CCSER1: variants seen among roughly 807,000 people sequenced by gnomAD.
CCSER1 encodes serine-rich coiled-coil domain-containing protein 1.
CCSER1 carries 41 observed loss-of-function variants against 82.0 expected under a neutral mutation model. The observed-to-expected ratio is 0.50, with a 90% CI of 0.39 to 0.65. CCSER1 has a LOEUF of 0.65. Among genes scored for constraint, CCSER1 ranks in the 30% least tolerant of loss-of-function variants. CCSER1 has a pLI of 0.00. For synonymous variants in CCSER1, 414 were observed against 383.9 expected, an observed-to-expected ratio of 1.08 and a Z score of -0.92; for missense variants, 1,119 against 1,064.2, an observed-to-expected ratio of 1.05 and a Z score of -0.72.
rs562768585 is a variant in CCSER1 at position 90,215,955 on chromosome 4, T to C, written c.-42+88124T>C. ...AGAGTTTGTAGTGTGTGTGAATATG[T>C]GTGTGTGTTCTGTATGTACGTGGAT... On this transcript the variant is annotated intron_variant, in intron 1 of 10. Coordinates refer to ENST00000509176, the MANE Select transcript of CCSER1 (RefSeq NM_001145065.2). 4.9e-4 allele frequency among the ~76,000 whole-genome samples: 74 copies of C among 152,256 alleles called. No individual in the cohort carries two copies. The South Asian group carries it at 0.015, about 32-fold the overall frequency.
At chr4:91,198,172 T>C (rs1453867469) in intron 10 of CCSER1, among the ~76,000 whole-genome samples, 2 of 152,182 alleles carry the variant, frequency 1.3e-5, no homozygotes, top group African/African-American at 4.8e-5. Context: ...TTATTTCATT[T>C]TGCATTACTT....
chr4:90,946,552 A>G (rs1732265243), intron 9 of CCSER1, among the ~76,000 whole-genome samples: 1 of 151,460 alleles, frequency 6.6e-6, no homozygotes, highest in African/African-American at 2.4e-5. Context: ...ACTCTGTTGA[A>G]CCTGGGAGAC....
intron 10 of CCSER1, among the ~76,000 whole-genome samples, chr4:91,232,777 T>C (rs1478275658): frequency 1.3e-5 from 2 of 151,856 alleles, no homozygotes; most frequent in African/African-American, 4.8e-5. Flanking sequence ...TATTTGGATA[T>C]ATCTGAGCAC....
chr4:91,494,148 G>A (rs1046307098), intron 10 of CCSER1, among the ~76,000 whole-genome samples: 2 of 151,682 alleles, frequency 1.3e-5, no homozygotes, highest in Non-Finnish European at 2.9e-5. Context: ...AAATCTTCCG[G>A]CCTTTTGATC....
intron 8 of CCSER1, among the ~76,000 whole-genome samples, chr4:90,838,176 A>T (rs1245149615): frequency 6.6e-6 from 1 of 151,780 alleles, no homozygotes. Flanking sequence ...TAAGAAAATA[A>T]ATCCTATAAA....
intron 6 of CCSER1, among the ~76,000 whole-genome samples, chr4:90,705,838 G>A (rs2149301334): frequency 6.6e-6 from 1 of 152,338 alleles, no homozygotes; most frequent in South Asian, 2.1e-4. Flanking sequence ...CAGTATTAGG[G>A]TGGGAGTGAC....
At chr4:90,778,540 A>AAAG (rs1554011718) in intron 7 of CCSER1, among the ~76,000 whole-genome samples, 4 of 150,812 alleles carry the variant, frequency 2.7e-5, no homozygotes, top group African/African-American at 9.7e-5. Flanking sequence ...AAAAAAAAAA[A>AAAG]CACAAAAAGA....
At chr4:90,947,130 A>G (rs1732350269) in intron 9 of CCSER1, among the ~76,000 whole-genome samples, 1 of 152,242 alleles carries the variant, frequency 6.6e-6, no homozygotes, top group Admixed American at 6.5e-5. Flanking sequence ...AGCAAGTCAC[A>G]TGATCACAGG....
intron 10 of CCSER1, among the ~76,000 whole-genome samples, chr4:91,530,486 G>A (rs2110166376): frequency 6.6e-6 from 1 of 151,970 alleles, no homozygotes; most frequent in Non-Finnish European, 1.5e-5. Context: ...TATGTTTCAT[G>A]CCAGACAAGT....
At chr4:91,133,886 G>A (rs1052092674) in intron 10 of CCSER1, among the ~76,000 whole-genome samples, 8 of 152,126 alleles carry the variant, frequency 5.3e-5, no homozygotes, top group Admixed American at 2.6e-4. Flanking sequence ...GGATCATGAG[G>A]TCAGGAGTTC....
Position 91,598,582 on chromosome 4 carries a change from G to A in CCSER1, c.2228G>A (p.Arg743Gln), listed in dbSNP as rs1162759832. Residue 743 changes from arginine (R) to glutamine (Q), a missense_variant, in exon 11 of 11, where the codon CGA (arginine) becomes CAA (glutamine). Transcript: ENST00000509176. ...TGTGTCTTACCATAGGCTACATATC[G>A]AAATCGAATTGTGAGCCAAAATCTC... ...TVQGGREATY[R>Q]NRIVSQNLST... 2 of 1,544,960 alleles carry A rather than the reference G, an allele frequency of 1.3e-6. No homozygotes were observed. Among genetic ancestry groups the A allele is most frequent in the East Asian group, 2.5e-5 (1 of 40,798 alleles).
chr4:90,648,858 A>G (rs1171975407), intron 6 of CCSER1, among the ~76,000 whole-genome samples: 1 of 152,242 alleles, frequency 6.6e-6, no homozygotes, highest in African/African-American at 2.4e-5. Context: ...AACAAAGCCA[A>G]GATTAGATTT....
At chr4:90,613,247 C>T (rs116088314) in intron 5 of CCSER1, among the ~76,000 whole-genome samples, 1,871 of 152,216 alleles carry the variant, frequency 0.012, 30 homozygotes, top group African/African-American at 0.043. Flanking sequence ...AGCTAAACAG[C>T]ACTCAAGTCA....
intron 10 of CCSER1, among the ~76,000 whole-genome samples, chr4:91,474,431 T>A (rs1038500157): frequency 2.5e-4 from 38 of 151,750 alleles, no homozygotes; most frequent in African/African-American, 9.2e-4. Flanking sequence ...CTTATTCTGA[T>A]ATGGATATAG....
intron 1 of CCSER1, among the ~76,000 whole-genome samples, chr4:90,295,940 A>G (rs1027497901): frequency 2.0e-5 from 3 of 151,942 alleles, no homozygotes; most frequent in Non-Finnish European, 4.4e-5. Flanking sequence ...TGGACCTGTG[A>G]TGACATTTTT....
At chr4:90,528,704 C>T (rs563676545) in intron 5 of CCSER1, among the ~76,000 whole-genome samples, 4 of 152,120 alleles carry the variant, frequency 2.6e-5, no homozygotes, top group African/African-American at 7.2e-5. Flanking sequence ...TTTTTCTAGT[C>T]ACTGGAGAAA....
chr4:91,165,896 T>C (rs12512865), intron 10 of CCSER1, among the ~76,000 whole-genome samples: 110,525 of 151,680 alleles, frequency 0.73, 40,528 homozygotes, highest in Non-Finnish European at 0.78. Flanking sequence ...CTGGGAGAGG[T>C]GGTATCCTGC....
chr4:91,145,934 G>A (rs1253600978), intron 10 of CCSER1, among the ~76,000 whole-genome samples: 1 of 152,048 alleles, frequency 6.6e-6, no homozygotes, highest in African/African-American at 2.4e-5. Context: ...GTGTCTTGGG[G>A]ATGTTCGTCT....
intron 9 of CCSER1, among the ~76,000 whole-genome samples, chr4:90,946,624 C>CAA (rs61298882): frequency 4.6e-5 from 5 of 108,446 alleles, no homozygotes; most frequent in South Asian, 6.1e-4. Context: ...GACTGCACCT[C>CAA]AAAAAAAAAA....
Sources: gnomAD v4.1 joint callset for allele counts (sites outside exome capture counted in the v4.1 genomes callset) on GRCh38, gnomAD v4.1.1 for gene constraint, MANE v1.5 for transcripts, NCBI Gene and HGNC (gene_info 2026-07-23, HGNC 2026-07-21) for gene names.